The following NAV3 variants were observed in gnomAD, a reference collection of about 807,000 sequenced individuals.
The protein encoded by NAV3 is pore membrane and/or filament interacting like protein 1.
Under a neutral mutation model 244.7 loss-of-function variants are expected in NAV3, and 87 were observed. The observed-to-expected ratio is 0.36, with a 90% CI of 0.30 to 0.42. The LOEUF is 0.42. Among genes scored for constraint, NAV3 ranks in the 20% least tolerant of loss-of-function variants. The pLI is 1.00. For synonymous variants in NAV3, 1,126 were observed against 1,042.2 expected (o/e 1.08, Z -1.55); for missense variants, 2,663 against 2,893.3 (o/e 0.92, Z 1.83).
intron 5 of NAV3, among the ~76,000 whole-genome samples, chr12:77,994,350 A>G (rs1038725632): frequency 6.6e-6 from 1 of 152,248 alleles, no homozygotes; most frequent in Non-Finnish European, 1.5e-5. Context: ...GATTGAAAAA[A>G]GCAAATTAGA....
intron 3 of NAV3, among the ~76,000 whole-genome samples, chr12:77,942,304 G>A (rs1243667119): frequency 2.0e-5 from 3 of 152,016 alleles, no homozygotes; most frequent in South Asian, 2.1e-4. Flanking sequence ...CCAGGGAGGC[G>A]GAGGTTATGG....
chr12:78,190,398 A>G (rs1377678428), intron 34 of NAV3, among the ~76,000 whole-genome samples, 179 bp downstream of exon 34: 1 of 152,000 alleles, frequency 6.6e-6, no homozygotes, highest in Non-Finnish European at 1.5e-5. Context: ...GAACAAGACT[A>G]CTATTTTCAG....
At chr12:77,716,278 GT>G (rs564948047) in intron 2 of NAV3, among the ~76,000 whole-genome samples, 3,925 of 146,570 alleles carry the variant, frequency 0.027, 96 homozygotes, top group African/African-American at 0.064. Flanking sequence ...GTAATAGCAA[GT>G]TTTTTTTTTT....
chr12:77,662,223 A>ATCTGTCTG lies in NAV3; in HGVS notation c.72+89964_72+89965insGTCTGTCT, dbSNP rs540033274. Among the ~76,000 whole-genome samples, 9 of 112,862 alleles carry ATCTGTCTG rather than the reference A, an allele frequency of 8.0e-5. No homozygotes were observed. In the East Asian group the frequency reaches 1.5e-3, roughly 19 times the overall value. 74.0% of individuals were successfully genotyped at this position (112,862 alleles called of 152,430 possible). On this transcript the variant is annotated intron_variant, in intron 2 of 8. Transcript: ENST00000550042. Reference sequence around the variant, plus strand: ...CACCTTATTATATATCTTCATATCTATCTGTCTATCTATCTATCTATCTAT... The same window carrying ATCTGTCTG: ...CACCTTATTATATATCTTCATATCTATCTGTCTGTCTGTCTATCTATCTATCTATCTAT...
At chr12:77,909,831 C>A (rs903130200) in intron 1 of NAV3, among the ~76,000 whole-genome samples, 1 of 152,010 alleles carries the variant, frequency 6.6e-6, no homozygotes, top group Non-Finnish European at 1.5e-5. Flanking sequence ...AATGGTATCA[C>A]AATTTACTTT....
chr12:77,887,596 GC>G (rs1212670042), intron 1 of NAV3, among the ~76,000 whole-genome samples: 1 of 152,070 alleles, frequency 6.6e-6, no homozygotes, highest in Non-Finnish European at 1.5e-5. Flanking sequence ...TTTTGCAAAA[GC>G]CCCAAGATTT....
chr12:77,712,442 T>C (rs965564639), intron 2 of NAV3, among the ~76,000 whole-genome samples: 4 of 152,106 alleles, frequency 2.6e-5, no homozygotes, highest in African/African-American at 9.7e-5. Flanking sequence ...TATCCTTAAA[T>C]CAAAGCTTGT....
chr12:77,921,096 T>C (rs186655620), intron 1 of NAV3, among the ~76,000 whole-genome samples: 4 of 152,136 alleles, frequency 2.6e-5, no homozygotes, highest in African/African-American at 9.6e-5. Context: ...TCTAGTGGTA[T>C]GTGAAATATT....
intron 2 of NAV3, among the ~76,000 whole-genome samples, chr12:77,595,592 G>A (rs1056854697): frequency 6.6e-6 from 1 of 152,060 alleles, no homozygotes; most frequent in African/African-American, 2.4e-5. Context: ...TAGCTTGACT[G>A]TAGTAATCAT....
At chr12:78,025,805 TCAC>T (rs1387166418) in intron 9 of NAV3, among the ~76,000 whole-genome samples, 3 of 152,030 alleles carry the variant, frequency 2.0e-5, no homozygotes, top group African/African-American at 7.2e-5. Context: ...GTTTATGCTC[TCAC>T]CATATGATCT....
intron 1 of NAV3, among the ~76,000 whole-genome samples, chr12:77,924,125 G>T (rs1391796644): frequency 6.6e-6 from 1 of 152,124 alleles, no homozygotes; most frequent in African/African-American, 2.4e-5. Context: ...TTTCCTGGGG[G>T]TTGGGTATGG....
chr12:77,679,152 C>T (rs192077943), intron 2 of NAV3, among the ~76,000 whole-genome samples: 153 of 152,048 alleles, frequency 1.0e-3, no homozygotes, highest in African/African-American at 3.5e-3. Context: ...TTTTTAACCT[C>T]GATTCAGGAC....
chr12:77,591,987 G>A (rs1047286864), intron 2 of NAV3, among the ~76,000 whole-genome samples: 1 of 152,128 alleles, frequency 6.6e-6, no homozygotes, highest in African/African-American at 2.4e-5. Flanking sequence ...AGAATTCAAT[G>A]GTAGGTTGCT....
chr12:77,715,240 T>C (rs1010990392), intron 2 of NAV3, among the ~76,000 whole-genome samples: 1 of 152,032 alleles, frequency 6.6e-6, no homozygotes, highest in African/African-American at 2.4e-5. Context: ...ATCTTTAGTA[T>C]AACGTTGAAA....
chr12:78,146,056 A>G (rs1956850584), intron 20 of NAV3, among the ~76,000 whole-genome samples: 1 of 152,098 alleles, frequency 6.6e-6, no homozygotes, highest in South Asian at 2.1e-4. Flanking sequence ...ATAATTTTAT[A>G]ACTATTTGGT....
intron 2 of NAV3, among the ~76,000 whole-genome samples, chr12:77,758,334 G>C (rs946644246): frequency 1.3e-5 from 2 of 152,076 alleles, no homozygotes; most frequent in African/African-American, 4.8e-5. Flanking sequence ...AAAAAAAACA[G>C]AGACTATTTT....
At chr12:77,692,157 AAAG>A (rs1039334183) in intron 2 of NAV3, among the ~76,000 whole-genome samples, 3 of 152,056 alleles carry the variant, frequency 2.0e-5, no homozygotes, top group Admixed American at 6.6e-5. Context: ...TGGGAGACAA[AAAG>A]AAGAAGTACT....
chr12:78,199,239 A>T (rs1959361558), intron 36 of NAV3, 96 bp from the exon 37 acceptor site: 2 of 993,098 alleles, frequency 2.0e-6, no homozygotes, highest in Non-Finnish European at 1.5e-6. Flanking sequence ...TTCTATTGGA[A>T]AGTAATAATG....
chr12:77,595,775 CCA>C (rs1440535078), intron 2 of NAV3, among the ~76,000 whole-genome samples: 1 of 151,868 alleles, frequency 6.6e-6, no homozygotes, highest in Admixed American at 6.6e-5. Flanking sequence ...ACTTATTTTG[CCA>C]CAGTTTATAG....
Sources: gnomAD v4.1 joint callset for allele counts (sites outside exome capture counted in the v4.1 genomes callset) on GRCh38, gnomAD v4.1.1 for gene constraint, MANE v1.5 for transcripts, NCBI Gene and HGNC (gene_info 2026-07-23, HGNC 2026-07-21) for gene names.